CKMT2: variants seen among roughly 807,000 people sequenced by gnomAD.
CKMT2 encodes the protein creatine kinase S-type, mitochondrial.
A neutral mutation model predicts 48.9 loss-of-function variants in CKMT2; 43 were observed. The ratio of observed to expected loss-of-function variants is 0.88; its 90% CI spans 0.69 to 1.13. CKMT2 has a LOEUF of 1.13. Ranked by LOEUF, CKMT2 falls within the 50% of genes most tolerant of loss-of-function variation. CKMT2 has a pLI of 0.00. For missense variants in CKMT2, 472 were observed against 555.4 expected (o/e 0.85, Z 1.51); for synonymous variants, 206 against 213.0 (o/e 0.97, Z 0.29).
At chr5:81,258,092 G>A (rs1225526919) in intron 7 of CKMT2, among the ~76,000 whole-genome samples, 1 of 152,044 alleles carries the variant, frequency 6.6e-6, no homozygotes, top group African/African-American at 2.4e-5. Context: ...AGAGAGGGGT[G>A]TTTCACCATG....
Position 81,241,217 on chromosome 5 carries a change from C to A in CKMT2, c.-21+7840C>A, listed in dbSNP as rs191537956. 2.5e-4 allele frequency among the ~76,000 whole-genome samples: 38 copies of A among 152,312 alleles called. 1 individual carries two copies. The East Asian group carries it at 7.1e-3, about 29-fold the overall frequency. On this transcript the variant is annotated intron_variant, in intron 1 of 9. Coordinates refer to ENST00000254035, the MANE Select transcript of CKMT2 (RefSeq NM_001099735.2). ...TGCCAAGCTTCTTACACTGTGCCTT[C>A]CAGCACGTGGAGGGAGGAAACCAAT...
chr5:81,261,240 A>C (rs564028632), intron 8 of CKMT2, among the ~76,000 whole-genome samples: 53 of 152,326 alleles, frequency 3.5e-4, no homozygotes, highest in African/African-American at 1.3e-3. Context: ...GCTATTTATG[A>C]CAAACCCACA....
At chr5:81,256,825 T>A (rs1337981920) in intron 5 of CKMT2, 90 bp from the exon 6 acceptor site, 7 of 860,144 alleles carry the variant, frequency 8.1e-6, no homozygotes, top group Admixed American at 6.6e-5. Flanking sequence ...GCAGCCATGA[T>A]AAGTGGGTTG....
intron 7 of CKMT2, among the ~76,000 whole-genome samples, chr5:81,258,707 T>C (rs758084190): frequency 2.6e-5 from 4 of 152,108 alleles, no homozygotes; most frequent in African/African-American, 7.2e-5. Context: ...GAGATTCTCA[T>C]AGAAGCACAA....
intron 1 of CKMT2, among the ~76,000 whole-genome samples, chr5:81,246,439 C>T (rs960375183): frequency 5.3e-5 from 8 of 152,076 alleles, no homozygotes; most frequent in African/African-American, 1.9e-4. Context: ...TAAAAGTAGA[C>T]ATCACTTACA....
intron 3 of CKMT2, among the ~76,000 whole-genome samples, chr5:81,254,076 CGTAA>C (rs762947737): frequency 9.2e-5 from 14 of 152,192 alleles, no homozygotes; most frequent in African/African-American, 3.4e-4. Flanking sequence ...AATTCCTAAC[CGTAA>C]GTATTTTCTT....
chr5:81,236,136 A>C (rs1756236647), intron 1 of CKMT2: 1 of 152,252 alleles, frequency 6.6e-6, no homozygotes, highest in Non-Finnish European at 1.5e-5. Flanking sequence ...AGGACAGGGA[A>C]AGAGAACAAG....
At chr5:81,264,820 C>T (rs1023708858) in intron 9 of CKMT2, among the ~76,000 whole-genome samples, 3 of 152,158 alleles carry the variant, frequency 2.0e-5, no homozygotes, top group South Asian at 2.1e-4. Context: ...CCATTGTGAA[C>T]ATTATTCTAA....
At chr5:81,236,503 ATTGTGT>A (rs751146058) in intron 1 of CKMT2, among the ~76,000 whole-genome samples, 6 of 152,142 alleles carry the variant, frequency 3.9e-5, no homozygotes, top group Non-Finnish European at 7.3e-5. Flanking sequence ...ACATAGACTG[ATTGTGT>A]TTGTAAGGTC....
At position 81,251,232 on chromosome 5, in the gene CKMT2, C is replaced by G. The variant is rs780505629; in HGVS notation, c.100C>G (p.Arg34Gly). The G allele has an allele frequency of 6.2e-7, 1 of 1,614,078 alleles. No individual in the cohort carries two copies. The highest frequency in any genetic ancestry group is 1.3e-5 in the African/African-American group (1 of 74,928). The change falls in exon 2 of 10, where the codon CGG becomes GGG. Residue 34 changes from arginine to glycine, a missense_variant. Physicochemically the swap from Arg to Gly is moderately radical, Grantham distance 125 (BLOSUM62 -2). Transcript: ENST00000254035. Reference protein sequence around the residue: ...SVLTTGYLLNRQKVCAEVREQ... With the variant: ...SVLTTGYLLNGQKVCAEVREQ... ...CCTGACCACCGGGTACCTGCTGAAC[C>G]GGCAGAAAGTGTGTGCCGAGGTCCG...
At chr5:81,241,438 G>C (rs553366983) in intron 1 of CKMT2, among the ~76,000 whole-genome samples, 1 of 152,138 alleles carries the variant, frequency 6.6e-6, no homozygotes, top group Non-Finnish European at 1.5e-5. Flanking sequence ...TTTCCTGCAA[G>C]GGCCTGGAAA....
At chr5:81,242,052 G>A (rs1261264827) in intron 1 of CKMT2, among the ~76,000 whole-genome samples, 1 of 152,038 alleles carries the variant, frequency 6.6e-6, no homozygotes, top group Non-Finnish European at 1.5e-5. Context: ...TCTCTGCTGT[G>A]TCACATACGG....
rs117940826 is a variant in CKMT2, at chr5:81,244,225, T to C, written c.-20-6888T>C. The stretch of plus-strand genomic sequence containing the variant: ...AGTGAGGTAAAGTTCCTTACTGTAA[T>C]GCATCATGGCTCATAGAAATCGCAA... On this transcript the variant is annotated intron_variant, in intron 1 of 9. Coordinates refer to ENST00000254035, the MANE Select transcript of CKMT2 (RefSeq NM_001099735.2). 119 of 981,288 alleles carry C rather than the reference T, an allele frequency of 1.2e-4. 4 individuals are homozygous for C. The East Asian group carries it at 0.013, about 109-fold the overall frequency. The allele number at this position is 981,288 out of a possible 1,614,324, so 60.8% of individuals were successfully genotyped here. A position where few individuals can be genotyped will look rare whatever the true frequency, so the allele number is the denominator to read the frequency against.
chr5:81,241,972 A>G (rs1288804225), intron 1 of CKMT2, among the ~76,000 whole-genome samples: 1 of 151,922 alleles, frequency 6.6e-6, no homozygotes, highest in East Asian at 1.9e-4. Context: ...AAAAAAAAAA[A>G]AGGAAACAGA....
intron 1 of CKMT2, among the ~76,000 whole-genome samples, chr5:81,248,772 A>T (rs1756698613): frequency 6.6e-6 from 1 of 152,212 alleles, no homozygotes; most frequent in African/African-American, 2.4e-5. Context: ...TATATCCTGT[A>T]ACCCCTACTC....
At position 81,266,167 on chromosome 5, in the gene CKMT2, G is replaced by A; in HGVS notation, c.1169G>A (p.Gly390Glu). ...EVELVQIVIDGVNYLVDCEKK... is the reference protein window; with the variant it reads ...EVELVQIVIDEVNYLVDCEKK... ...GAGCTTGTTCAGATAGTCATCGATG[G>A]AGTCAATTACCTGGTGGATTGTGAA... The change falls in exon 10 of 10, where the codon GGA (glycine) becomes GAA (glutamate). Residue 390 changes from glycine (G) to glutamate (E), a missense_variant. Coordinates refer to ENST00000254035, the MANE Select transcript of CKMT2 (RefSeq NM_001099735.2). 6.2e-7 allele frequency: 1 copy of A among 1,612,686 alleles called. No individual in the cohort carries two copies. The highest frequency in any genetic ancestry group is 1.1e-5 in the South Asian group (1 of 91,032).
chr5:81,248,864 C>A (rs1756701164), intron 1 of CKMT2, among the ~76,000 whole-genome samples: 1 of 152,130 alleles, frequency 6.6e-6, no homozygotes, highest in Non-Finnish European at 1.5e-5. Context: ...TTGGGACATT[C>A]AGGTTTAGTA....
Position 81,233,350 on chromosome 5 carries a change from G to A in CKMT2, c.-48G>A. On this transcript the variant is annotated 5_prime_UTR_variant, in exon 1 of 10. Transcript: ENST00000254035. ...TACACTTCTTGGCTGTGTGCGCTCA[G>A]CAGGACGTGGGAGGCTCCGGCTTCA... The A allele has an allele frequency of 1.0e-6, 1 of 985,732 alleles. No individual in the cohort carries two copies. The highest frequency in any genetic ancestry group is 1.2e-6 in the Non-Finnish European group (1 of 830,144). The allele number at this position is 985,732 out of a possible 1,614,324, so 61.1% of individuals were successfully genotyped here.
At chr5:81,257,078 T>C in intron 6 of CKMT2, 78 bp downstream of exon 6, 2 of 1,226,956 alleles carry the variant, frequency 1.6e-6, no homozygotes, top group Non-Finnish European at 2.4e-6. Context: ...TAACCTGGAG[T>C]TGCTGTGTAC....
Sources: gnomAD v4.1 joint callset for allele counts (sites outside exome capture counted in the v4.1 genomes callset) on GRCh38, gnomAD v4.1.1 for gene constraint, MANE v1.5 for transcripts, NCBI Gene and HGNC (gene_info 2026-07-23, HGNC 2026-07-21) for gene names.